Variants in PLCL1 observed in about 807,000 individuals in gnomAD.
PLCL1 encodes the protein inactive phospholipase C-like protein 1.
A neutral mutation model predicts 84.4 loss-of-function variants in PLCL1; 41 were observed. That is an observed-to-expected ratio of 0.49 (90% CI 0.38 to 0.63). PLCL1 has a LOEUF of 0.63. Ranked by LOEUF, PLCL1 falls within the 30% of genes least tolerant of loss-of-function variation. The pLI is 0.00. For missense variants in PLCL1, 1,206 were observed against 1,367.8 expected (o/e 0.88, Z 1.87); for synonymous variants, 490 against 488.3 (o/e 1.00, Z -0.05).
chr2:198,107,583 C>A (rs1171604202), intron 5 of PLCL1, among the ~76,000 whole-genome samples: 5 of 151,852 alleles, frequency 3.3e-5, no homozygotes, highest in African/African-American at 7.2e-5. Flanking sequence ...TGTTTGTTTG[C>A]CAGGTGAGGA....
chr2:198,068,363 C>G (rs1401858438), intron 1 of PLCL1, among the ~76,000 whole-genome samples: 1 of 152,148 alleles, frequency 6.6e-6, no homozygotes, highest in African/African-American at 2.4e-5. Flanking sequence ...ATTGACCCTG[C>G]ATGGCTTGGA....
chr2:198,057,295 G>A (rs938140460), intron 1 of PLCL1, among the ~76,000 whole-genome samples: 1 of 152,104 alleles, frequency 6.6e-6, no homozygotes, highest in Non-Finnish European at 1.5e-5. Context: ...GCTCTTGATG[G>A]TGCTGGGTTG....
intron 1 of PLCL1, among the ~76,000 whole-genome samples, chr2:197,925,206 A>T (rs946986618): frequency 6.6e-6 from 1 of 152,216 alleles, no homozygotes; most frequent in Non-Finnish European, 1.5e-5. Flanking sequence ...ATCTGTATTT[A>T]TATGGGTGAT....
At chr2:198,016,822 G>T (rs1691010348) in intron 1 of PLCL1, among the ~76,000 whole-genome samples, 1 of 152,192 alleles carries the variant, frequency 6.6e-6, no homozygotes, top group African/African-American at 2.4e-5. Flanking sequence ...GAGTCTTGAA[G>T]ACATGAAACA....
chr2:198,090,096 G>A (rs1423821139), intron 3 of PLCL1, among the ~76,000 whole-genome samples: 1 of 152,112 alleles, frequency 6.6e-6, no homozygotes, highest in Non-Finnish European at 1.5e-5. Flanking sequence ...TTCTAAGCCA[G>A]TAGAGAGAAG....
At chr2:197,849,102 G>A (rs939588785) in intron 1 of PLCL1, among the ~76,000 whole-genome samples, 7 of 145,208 alleles carry the variant, frequency 4.8e-5, no homozygotes, top group African/African-American at 1.8e-4. Context: ...TTGGCAAGGT[G>A]GAGACAAACA....
chr2:198,087,961 AAT>A (rs1393210179), intron 2 of PLCL1, among the ~76,000 whole-genome samples: 1 of 152,178 alleles, frequency 6.6e-6, no homozygotes, highest in African/African-American at 2.4e-5. Context: ...CCATTTAAAA[AAT>A]AGAGTCCCAA....
intron 1 of PLCL1, among the ~76,000 whole-genome samples, chr2:197,921,518 T>C (rs1053085376): frequency 2.0e-5 from 3 of 152,202 alleles, no homozygotes; most frequent in Non-Finnish European, 4.4e-5. Flanking sequence ...TTGAATTAAA[T>C]AAATGGATAA....
At chr2:197,961,135 C>A (rs574199339) in intron 1 of PLCL1, among the ~76,000 whole-genome samples, 1 of 151,896 alleles carries the variant, frequency 6.6e-6, no homozygotes, top group Non-Finnish European at 1.5e-5. Context: ...ATGCTTTTCC[C>A]TTTCCCATAG....
intron 1 of PLCL1, among the ~76,000 whole-genome samples, chr2:198,051,600 T>C (rs1008539025): frequency 2.0e-5 from 3 of 152,150 alleles, no homozygotes; most frequent in Non-Finnish European, 4.4e-5. Context: ...AAACAGCCCT[T>C]CTCTGAGTTA....
intron 1 of PLCL1, among the ~76,000 whole-genome samples, chr2:198,069,047 A>G (rs1692401776): frequency 6.6e-6 from 1 of 151,998 alleles, no homozygotes; most frequent in African/African-American, 2.4e-5. Flanking sequence ...ATAAAATAAA[A>G]TAAAATAAAA....
At chr2:197,882,149 G>T (rs1687841624) in intron 1 of PLCL1, among the ~76,000 whole-genome samples, 1 of 152,070 alleles carries the variant, frequency 6.6e-6, no homozygotes, top group African/African-American at 2.4e-5. Flanking sequence ...AGTGGAGGGG[G>T]AGGAGCCAAG....
chr2:198,106,989 C>A (rs1213874541), intron 5 of PLCL1, among the ~76,000 whole-genome samples: 1 of 151,842 alleles, frequency 6.6e-6, no homozygotes, highest in Non-Finnish European at 1.5e-5. Flanking sequence ...GGCTGAGTCC[C>A]TGTATTAGTC....
At chr2:198,126,998 G>A (rs949858792) in intron 5 of PLCL1, among the ~76,000 whole-genome samples, 9 of 51,262 alleles carry the variant, frequency 1.8e-4, no homozygotes, top group African/African-American at 5.6e-4. Context: ...GTGAGTGTGT[G>A]TGTGTGTGTG....
chr2:198,106,362 C>T (rs1346750587), intron 5 of PLCL1, among the ~76,000 whole-genome samples: 1 of 151,894 alleles, frequency 6.6e-6, no homozygotes. Flanking sequence ...GGGCTCTGTG[C>T]TAGGCACTGG....
At chr2:198,091,317 G>A (rs529804187) in intron 3 of PLCL1, among the ~76,000 whole-genome samples, 24 of 152,238 alleles carry the variant, frequency 1.6e-4, no homozygotes, top group African/African-American at 5.8e-4. Context: ...CATCTTTAAT[G>A]CTCTTAGTGT....
rs554942778 is a variant in PLCL1, at chr2:198,144,601, T to A, written c.3106-2179T>A. On this transcript the variant is annotated intron_variant, in intron 5 of 5. Coordinates refer to ENST00000428675, the MANE Select transcript of PLCL1 (RefSeq NM_006226.4). ...GCTCTTCAACATATTGTCTTTAATC[T>A]TAGAACTGTAAGGAAGGCTGAAGGA... Among the ~76,000 whole-genome samples, 3 of 152,304 alleles carry A rather than the reference T, an allele frequency of 2.0e-5. No individual in the cohort carries two copies. In the South Asian group the frequency reaches 6.2e-4, roughly 32 times the overall value.
At position 197,811,312 on chromosome 2, in the gene PLCL1, T is replaced by C. The variant is rs1233582223; in HGVS notation, c.240+5973T>C. On this transcript the variant is annotated intron_variant, in intron 1 of 5. Coordinates refer to ENST00000428675, the MANE Select transcript of PLCL1 (RefSeq NM_006226.4). ...CTAACTTTTAATGGCAACAAAATCA[T>C]AGTATGACGAAGTATTGGAATAGTC... 7.2e-5 allele frequency among the ~76,000 whole-genome samples: 11 copies of C among 152,248 alleles called. No homozygotes were observed. In the East Asian group the frequency reaches 1.7e-3, roughly 24 times the overall value.
At chr2:197,950,718 G>A (rs1195506888) in intron 1 of PLCL1, among the ~76,000 whole-genome samples, 1 of 152,118 alleles carries the variant, frequency 6.6e-6, no homozygotes, top group East Asian at 1.9e-4. Context: ...TATTTTTACT[G>A]AGTCTATTTT....
Sources: allele counts gnomAD v4.1 joint callset (sites outside exome capture counted in the v4.1 genomes callset), GRCh38; gene constraint gnomAD v4.1.1; transcripts MANE v1.5; gene names NCBI Gene and HGNC (gene_info 2026-07-23, HGNC 2026-07-21).